Variants in ESCO2 observed in about 807,000 individuals in gnomAD.
ESCO2 encodes the protein N-acetyltransferase ESCO2.
ESCO2 carries 51 observed loss-of-function variants against 61.7 expected under a neutral mutation model. The ratio of observed to expected loss-of-function variants is 0.83; its 90% confidence interval spans 0.66 to 1.04. The LOEUF is 1.04. ESCO2 is among the 50% of genes least tolerant of loss of function. The pLI, the probability that ESCO2 is intolerant of heterozygous loss-of-function variation, is 0.00. For missense variants in ESCO2, 692 were observed against 686.2 expected (o/e 1.01, Z -0.09); for synonymous variants, 230 against 238.2 (o/e 0.97, Z 0.32).
rs1278178303 is a variant in ESCO2, at chr8:27,803,772, T to C, written c.*334T>C. 1.9e-6 allele frequency: 2 copies of C among 1,048,774 alleles called. No individual in the cohort carries two copies. The highest frequency in any genetic ancestry group is 2.3e-6 in the Non-Finnish European group (2 of 871,316). 65.0% of individuals were successfully genotyped at this position (1,048,774 alleles called of 1,614,324 possible). On this transcript the variant is annotated 3_prime_UTR_variant, in exon 11 of 11. Transcript: ENST00000305188. ...TATTAAATACAAAGTGATTTTTCTC[T>C]AGAAATGTGACCTGGTCTTTTATAA...
intron 10 of ESCO2, among the ~76,000 whole-genome samples, chr8:27,801,642 T>C (rs928378681): frequency 6.6e-6 from 1 of 152,178 alleles, no homozygotes; most frequent in African/African-American, 2.4e-5. Flanking sequence ...TCTAATTGAA[T>C]CAAATTCTAA....
downstream of ESCO2, chr8:27,809,493 G>A (rs954116258): frequency 1.3e-5 from 2 of 152,136 alleles, no homozygotes; most frequent in Non-Finnish European, 2.9e-5. Flanking sequence ...GTGGCTTACA[G>A]AAACTACTGA....
At chr8:27,811,084 C>T, downstream of ESCO2, 2 of 1,613,676 alleles carry the variant, frequency 1.2e-6, no homozygotes, top group Non-Finnish European at 1.7e-6. Context: ...TCCACAGCTT[C>T]TTTGGGTTTC....
At chr8:27,785,641 A>G (rs978918605) in intron 5 of ESCO2, among the ~76,000 whole-genome samples, 1 of 150,984 alleles carries the variant, frequency 6.6e-6, no homozygotes, top group Admixed American at 6.6e-5. Context: ...CAGAGGTTGC[A>G]GTGAGCCAAG....
intron 2 of ESCO2, 46 bp downstream of exon 2, chr8:27,775,613 C>T (rs765329515): frequency 1.3e-6 from 2 of 1,593,408 alleles, no homozygotes; most frequent in South Asian, 1.1e-5. Flanking sequence ...AATCCACCTT[C>T]TTGTCTCTCT....
intron 9 of ESCO2, among the ~76,000 whole-genome samples, chr8:27,797,469 G>A (rs1281445392): frequency 1.4e-5 from 2 of 147,628 alleles, no homozygotes; most frequent in African/African-American, 4.9e-5. Context: ...TGAGTCTTTT[G>A]TAGGCAATAT....
In ESCO2 at chr8:27,799,703, G is replaced by T; in HGVS notation, c.1660G>T (p.Val554Phe). The T allele has an allele frequency of 6.2e-7, 1 of 1,613,842 alleles. No individual in the cohort carries two copies. The highest frequency in any genetic ancestry group is 8.5e-7 in the Non-Finnish European group (1 of 1,179,974). ...AAGAAAGCGCATTGCAAGACGACTG[G>T]TTGATACCCTCAGGTAAGAAATAAA... The part of the protein sequence containing the change: ...KRRKRIARRL[V>F]DTLRNCFMFG... Residue 554 changes from valine (V) to phenylalanine (F), a missense_variant, in exon 10 of 11, where the codon GTT becomes TTT. Val to Phe is a conservative substitution (Grantham distance 50). Transcript: ENST00000305188.
intron 10 of ESCO2, 105 bp downstream of exon 10, chr8:27,799,821 ATAAATAC>A (rs1046624579): frequency 2.3e-6 from 3 of 1,307,192 alleles, no homozygotes; most frequent in Non-Finnish European, 3.3e-6. Context: ...ATACTTCAGT[ATAAATAC>A]TATTAAAGTC....
At chr8:27,784,249 G>C (rs1260225793) in intron 5 of ESCO2, among the ~76,000 whole-genome samples, 192 bp downstream of exon 5, 4 of 152,126 alleles carry the variant, frequency 2.6e-5, no homozygotes, top group Non-Finnish European at 5.9e-5. Context: ...CTTAAGAGTT[G>C]AGAGATGGAA....
At chr8:27,793,240 G>C (rs772798723) in intron 9 of ESCO2, among the ~76,000 whole-genome samples, 5 of 152,138 alleles carry the variant, frequency 3.3e-5, no homozygotes, top group Non-Finnish European at 7.4e-5. Context: ...GGAGAGAAAA[G>C]CAGCTTTTTT....
At chr8:27,786,692 T>C (rs1045983037) in intron 5 of ESCO2, among the ~76,000 whole-genome samples, 1 of 152,130 alleles carries the variant, frequency 6.6e-6, no homozygotes, top group Admixed American at 6.5e-5. Context: ...TTTCTTAGCA[T>C]AGATTTGTCA....
At position 27,803,571 on chromosome 8, in the gene ESCO2, CACACACAT is replaced by C; in HGVS notation, c.*135_*142del. The C allele has an allele frequency of 6.8e-7, 1 of 1,462,174 alleles. No homozygotes were observed. The highest frequency in any genetic ancestry group is 2.5e-5 in the East Asian group (1 of 39,524). 90.6% of individuals were successfully genotyped at this position (1,462,174 alleles called of 1,614,324 possible). A position where few individuals can be genotyped will look rare whatever the true frequency, so the allele number is the denominator to read the frequency against. On this transcript the variant is annotated 3_prime_UTR_variant, in exon 11 of 11. Coordinates refer to ENST00000305188, the MANE Select transcript of ESCO2 (RefSeq NM_001017420.3). ...TCATACACACACACACACACACGCA[CACACACAT>C]ATCACAGTTTTGTTCCTTATGAGTT...
At chr8:27,811,409 C>G (rs975472484), downstream of ESCO2, 40 of 538,870 alleles carry the variant, frequency 7.4e-5, no homozygotes, top group African/African-American at 6.9e-4. Context: ...AGATTACAGA[C>G]TCTGGAGCCA....
At chr8:27,782,248 A>G (rs1483965580) in intron 4 of ESCO2, among the ~76,000 whole-genome samples, 1 of 152,128 alleles carries the variant, frequency 6.6e-6, no homozygotes, top group Non-Finnish European at 1.5e-5. Flanking sequence ...CCCCTGTGAG[A>G]AATAACCAAT....
In ESCO2 at chr8:27,804,473, T is replaced by TA; in HGVS notation, c.*1036dup. 1 of 985,416 alleles carries TA rather than the reference T, an allele frequency of 1.0e-6. No individual in the cohort carries two copies. The highest frequency in any genetic ancestry group is 1.2e-6 in the Non-Finnish European group (1 of 829,902). The allele number at this position is 985,416 out of a possible 1,614,324, so 61.0% of individuals were successfully genotyped here. A position where few individuals can be genotyped will look rare whatever the true frequency, so the allele number is the denominator to read the frequency against. ...TGGTAATAGAACCAAGGTTAGTAAA[T>TA]ATACATAGGCTGGTGGATGAGAGAC... On this transcript the variant is annotated 3_prime_UTR_variant, in exon 11 of 11. Transcript: ENST00000305188.
chr8:27,772,742 T>A (rs1236620691), upstream of ESCO2: 2 of 578,768 alleles, frequency 3.5e-6, no homozygotes, highest in East Asian at 5.8e-5. Flanking sequence ...GGAGTTTGGT[T>A]CAGTGATTTG....
intron 7 of ESCO2, among the ~76,000 whole-genome samples, chr8:27,790,113 C>A (rs1476369288): frequency 6.6e-6 from 1 of 152,208 alleles, no homozygotes; most frequent in Non-Finnish European, 1.5e-5. Flanking sequence ...TCATATTTGG[C>A]CCCTGCCCAC....
chr8:27,795,797 G>A (rs1375293607), intron 9 of ESCO2, among the ~76,000 whole-genome samples: 1 of 152,174 alleles, frequency 6.6e-6, no homozygotes, highest in Admixed American at 6.5e-5. Flanking sequence ...GTAACACATT[G>A]ATGTGCATGT....
At chr8:27,799,748 C>T in intron 10 of ESCO2, 32 bp downstream of exon 10, 1 of 1,611,544 alleles carries the variant, frequency 6.2e-7, no homozygotes, top group Non-Finnish European at 8.5e-7. Context: ...GATCCAGAAC[C>T]TTAGATTCAT....
Sources: gnomAD v4.1 joint callset for allele counts (sites outside exome capture counted in the v4.1 genomes callset) on GRCh38, gnomAD v4.1.1 for gene constraint, MANE v1.5 for transcripts, NCBI Gene and HGNC (gene_info 2026-07-23, HGNC 2026-07-21) for gene names.